AATK: variants seen among roughly 807,000 people sequenced by gnomAD.
AATK encodes lemur tail kinase 1.
In AATK, 91 loss-of-function variants were observed where a neutral mutation model predicts 114.3. That is an observed-to-expected ratio of 0.80 (90% confidence interval 0.67 to 0.95). AATK has a LOEUF of 0.95. Ranked by LOEUF, AATK falls within the 40% of genes least tolerant of loss-of-function variation. The pLI is 0.00. For missense variants in AATK, 2,176 were observed against 1,965.2 expected (o/e 1.11, Z -2.03); for synonymous variants, 1,075 against 916.5 (o/e 1.17, Z -3.12).
At chr17:81,143,160 C>G (rs1270867747) in intron 1 of AATK, among the ~76,000 whole-genome samples, 1 of 152,150 alleles carries the variant, frequency 6.6e-6, no homozygotes, top group African/African-American at 2.4e-5. Context: ...CTGAGAGTGG[C>G]CCCACAGCCC....
rs1207568689 is a variant in AATK, at chr17:81,121,819, TCAGCGTGGCCGCCCG to T, written c.2102_2116del (p.Ala701_Ala705del). Reference sequence around the variant, plus strand: ...GGTCTGCTTTGGACTGGGGCAGCCCTCAGCGTGGCCGCCCGCAGAGACGGGGTCCCAGGACTCTGG... The same window carrying T: ...GGTCTGCTTTGGACTGGGGCAGCCCTCAGAGACGGGGTCCCAGGACTCTGG... On this transcript the variant is annotated inframe_deletion, in exon 11 of 14. Coordinates refer to ENST00000326724, the MANE Select transcript of AATK (RefSeq NM_001080395.3). 2 of 1,588,350 alleles carry T rather than the reference TCAGCGTGGCCGCCCG, an allele frequency of 1.3e-6. No individual in the cohort carries two copies. The highest frequency in any genetic ancestry group is 2.7e-5 in the African/African-American group (2 of 74,706).
chr17:81,138,827 C>T (rs909983219), intron 1 of AATK, among the ~76,000 whole-genome samples: 7 of 148,844 alleles, frequency 4.7e-5, no homozygotes, highest in African/African-American at 1.2e-4. Flanking sequence ...CCCACGTGAG[C>T]GCACACACAC....
At chr17:81,163,694 G>A (rs905122281) in intron 1 of AATK, among the ~76,000 whole-genome samples, 2 of 152,246 alleles carry the variant, frequency 1.3e-5, no homozygotes, top group African/African-American at 4.8e-5. Flanking sequence ...TGGTGCGGAA[G>A]GTCAGGGGCC....
chr17:81,128,850 G>T lies in AATK; in HGVS notation c.335-301C>A, dbSNP rs2060888061. The T allele has an allele frequency of 2.5e-6, 3 of 1,199,278 alleles. No individual in the cohort carries two copies. In the East Asian group the frequency reaches 1.5e-4, roughly 58 times the overall value. The allele number at this position is 1,199,278 out of a possible 1,614,324, so 74.3% of individuals were successfully genotyped here. A position where few individuals can be genotyped will look rare whatever the true frequency, so the allele number is the denominator to read the frequency against. On this transcript the variant is annotated intron_variant, in intron 3 of 13. Coordinates refer to ENST00000326724, the MANE Select transcript of AATK (RefSeq NM_001080395.3). The stretch of plus-strand genomic sequence containing the variant: ...CCAGGGACAGCAGGGCCCGGAGCTC[G>T]ACCCGTCACATGGGCTGCACCAGGC...
At chr17:81,163,249 C>T (rs1417541863) in intron 1 of AATK, among the ~76,000 whole-genome samples, 3 of 152,296 alleles carry the variant, frequency 2.0e-5, no homozygotes, top group South Asian at 2.1e-4. Context: ...GAAATCATGA[C>T]GCCCTGAGGC....
rs1251221472 is a variant in AATK at position 81,166,133 on chromosome 17, A to G, written c.-141T>C. On this transcript the variant is annotated 5_prime_UTR_variant, in exon 1 of 14. Transcript: ENST00000326724. Reference sequence around the variant, plus strand: ...CCCCGCGCCCCGCGCCCCCCGCCGCAGCCGCAGAGCCCGCACCGGTGGGGG... The same window carrying G: ...CCCCGCGCCCCGCGCCCCCCGCCGCGGCCGCAGAGCCCGCACCGGTGGGGG... 4.9e-5 allele frequency: 16 copies of G among 325,446 alleles called. No homozygotes were observed. Among genetic ancestry groups the G allele is most frequent in the African/African-American group, 2.3e-5 (1 of 43,122 alleles). The allele number at this position is 325,446 out of a possible 1,614,324, so 20.2% of individuals were successfully genotyped here.
chr17:81,124,993 G>A lies in AATK; in HGVS notation c.777C>T (p.Cys259=), dbSNP rs1427917677. ...FVHSDLALRN[C]LLTADLTVKI... ...TCACCGTCAGGTCAGCCGTGAGCAG[G>A]CAGTTCCGCAGGGCCAGGTCGCTGC... The change falls in exon 8 of 14, where the codon TGC becomes TGT. Residue 259 remains cysteine (C), a synonymous_variant. Coordinates refer to ENST00000326724, the MANE Select transcript of AATK (RefSeq NM_001080395.3). The A allele has an allele frequency of 1.9e-6, 3 of 1,571,504 alleles. No individual in the cohort carries two copies. The highest frequency in any genetic ancestry group is 2.6e-6 in the Non-Finnish European group (3 of 1,158,806).
At chr17:81,140,895 T>C (rs55944893) in intron 1 of AATK, among the ~76,000 whole-genome samples, 1,467 of 64,416 alleles carry the variant, frequency 0.023, 52 homozygotes, top group Middle Eastern at 0.057. Flanking sequence ...GACCGTGAGC[T>C]GTGAGCCGTG....
chr17:81,140,769 CTGTGGGG>C (rs1267271485), intron 1 of AATK, among the ~76,000 whole-genome samples: 34 of 89,460 alleles, frequency 3.8e-4, no homozygotes, highest in East Asian at 2.5e-3. Flanking sequence ...AGCCGTGGGG[CTGTGGGG>C]CGGTGAGACC....
chr17:81,154,787 A>ATG lies in AATK; in HGVS notation c.55+11150_55+11151insCA, dbSNP rs1206850354. ...TGGGATTACAGACTTGCGCCATCAC[A>ATG]CCCGGCTAATTTTTGTATTTTTAGT... On this transcript the variant is annotated intron_variant, in intron 1 of 13. Transcript: ENST00000326724. Among the ~76,000 whole-genome samples the ATG allele has an allele frequency of 3.1e-4, 38 of 123,158 alleles. 4 individuals are homozygous for ATG. The highest frequency in any genetic ancestry group is 9.5e-4 in the African/African-American group (24 of 25,338). The allele number at this position is 123,158 out of a possible 152,430, so 80.8% of individuals were successfully genotyped here.
At chr17:81,151,994 G>A (rs530721620) in intron 1 of AATK, among the ~76,000 whole-genome samples, 1 of 152,344 alleles carries the variant, frequency 6.6e-6, no homozygotes, top group African/African-American at 2.4e-5. Context: ...CAGCCTTTGG[G>A]GCGGGCACAG....
chr17:81,135,019 G>T (rs888609097), intron 1 of AATK, among the ~76,000 whole-genome samples: 5 of 152,168 alleles, frequency 3.3e-5, no homozygotes, highest in Non-Finnish European at 7.4e-5. Flanking sequence ...AGAAGGTGGT[G>T]CTGCCTCTGC....
At chr17:81,127,491 C>A (rs939174831) in intron 6 of AATK, 92 bp downstream of exon 6, 4 of 1,283,860 alleles carry the variant, frequency 3.1e-6, no homozygotes, top group Middle Eastern at 1.9e-4. Context: ...GGATGTGAGG[C>A]CCCCAAGGAG....
chr17:81,152,335 C>T (rs2061309472), intron 1 of AATK, among the ~76,000 whole-genome samples: 1 of 152,094 alleles, frequency 6.6e-6, no homozygotes, highest in Non-Finnish European at 1.5e-5. Context: ...CCTGTAATCC[C>T]AGAGCTTTGG....
chr17:81,144,078 G>A (rs967131343), intron 1 of AATK, among the ~76,000 whole-genome samples: 7 of 152,080 alleles, frequency 4.6e-5, no homozygotes, highest in Non-Finnish European at 7.4e-5. Context: ...CCCTGTCCCC[G>A]CTCGGCCCTT....
In AATK at chr17:81,154,790, C is replaced by T. The variant is rs564690330; in HGVS notation, c.55+11148G>A. Reference sequence around the variant, plus strand: ...GATTACAGACTTGCGCCATCACACCCGGCTAATTTTTGTATTTTTAGTAGA... The same window carrying T: ...GATTACAGACTTGCGCCATCACACCTGGCTAATTTTTGTATTTTTAGTAGA... On this transcript the variant is annotated intron_variant, in intron 1 of 13. Transcript: ENST00000326724. Among the ~76,000 whole-genome samples, 207 of 122,030 alleles carry T rather than the reference C, an allele frequency of 1.7e-3. 27 individuals are homozygous for T. Among genetic ancestry groups the T allele is most frequent in the African/African-American group, 6.5e-3 (162 of 24,888 alleles). The allele number at this position is 122,030 out of a possible 152,430, so 80.1% of individuals were successfully genotyped here.
chr17:81,120,613 A>C lies in AATK; in HGVS notation c.3323T>G (p.Leu1108Arg), dbSNP rs898474879. ...SQFFLLTPVP[L>R]RSEGNSSEFQ... is the part of the protein sequence containing the mutation. ...CTCAGAGCTGTTGCCTTCTGATCTC[A>C]GCGGAACCGGGGTCAGCAGGAAAAA... The change falls in exon 11 of 14, where the codon CTG (leucine) becomes CGG (arginine). Residue 1108 changes from leucine (L) to arginine (R), a missense_variant. Transcript: ENST00000326724. 10 of 1,551,408 alleles carry C rather than the reference A, an allele frequency of 6.4e-6. No homozygotes were observed. In the East Asian group the frequency reaches 2.3e-4, roughly 36 times the overall value.
At position 81,120,581 on chromosome 17, in the gene AATK, C is replaced by T. The variant is rs2060687300; in HGVS notation, c.3355G>A (p.Gly1119Arg). The stretch of plus-strand genomic sequence containing the variant: ...GGCCCTGACAACAGTCCTGGGGGCC[C>T]CTGGAACTCAGAGCTGTTGCCTTCT... ...RSEGNSSEFQ[G>R]PPGLLSGPAP... Residue 1119 changes from glycine to arginine, a missense_variant, in exon 11 of 14, where the codon GGG (glycine) becomes AGG (arginine). Physicochemically the swap from Gly to Arg is moderately radical, Grantham distance 125. Transcript: ENST00000326724. 1.3e-6 allele frequency: 2 copies of T among 1,534,542 alleles called. No individual in the cohort carries two copies. The highest frequency in any genetic ancestry group is 8.7e-7 in the Non-Finnish European group (1 of 1,143,936).
At chr17:81,124,132 G>A (rs1418136175) in intron 9 of AATK, among the ~76,000 whole-genome samples, 2 of 152,048 alleles carry the variant, frequency 1.3e-5, no homozygotes, top group African/African-American at 4.8e-5. Context: ...GAGTTCCCCA[G>A]AAGCAGAAGG....
Sources: gnomAD v4.1 joint callset for allele counts (sites outside exome capture counted in the v4.1 genomes callset) on GRCh38, gnomAD v4.1.1 for gene constraint, MANE v1.5 for transcripts, NCBI Gene and HGNC (gene_info 2026-07-23, HGNC 2026-07-21) for gene names.